Variants in UBAP1 observed in about 807,000 individuals in gnomAD.
UBAP1 encodes the protein ubiquitin associated protein 1, also known as ubiquitin-associated protein 1.
UBAP1 carries 5 observed loss-of-function variants against 39.0 expected under a neutral mutation model. The observed-to-expected ratio is 0.13, with a 90% CI of 0.07 to 0.27. The LOEUF (loss-of-function observed/expected upper bound fraction) is 0.27. Among genes scored for constraint, UBAP1 ranks in the 10% least tolerant of loss-of-function variants. The probability of loss-of-function intolerance (pLI) is 1.00; values close to 1 mark genes in which losing one functional copy is unlikely to be tolerated. For missense variants in UBAP1, 490 were observed against 608.1 expected (o/e 0.81, Z 2.04); for synonymous variants, 211 against 225.1 (o/e 0.94, Z 0.56).
In UBAP1 at chr9:34,179,216, A is replaced by C; in HGVS notation, c.-32A>C. The C allele has an allele frequency of 4.4e-6, 5 of 1,129,422 alleles. No individual in the cohort carries two copies. The highest frequency in any genetic ancestry group is 5.4e-6 in the Non-Finnish European group (5 of 925,692). 70.0% of individuals were successfully genotyped at this position (1,129,422 alleles called of 1,614,324 possible). ...CGGTGCCAGCACCTTTCGGCTTCTG[A>C]GACGGCGGCAGCAGCGGCATTCAGG... On this transcript the variant is annotated 5_prime_UTR_variant, in exon 1 of 7. Coordinates refer to ENST00000297661, the MANE Select transcript of UBAP1 (RefSeq NM_016525.5).
chr9:34,203,381 T>C (rs1831508380), intron 1 of UBAP1, among the ~76,000 whole-genome samples: 1 of 152,180 alleles, frequency 6.6e-6, no homozygotes, highest in Non-Finnish European at 1.5e-5. Context: ...TCTCTGTCAG[T>C]TTTTGGTATC....
intron 1 of UBAP1, among the ~76,000 whole-genome samples, chr9:34,218,010 T>C (rs1473349882): frequency 6.6e-6 from 1 of 151,030 alleles, no homozygotes; most frequent in Non-Finnish European, 1.5e-5. Flanking sequence ...CCCAGCACTT[T>C]GGGAGGCCGA....
intron 1 of UBAP1, among the ~76,000 whole-genome samples, chr9:34,212,428 T>TACAC (rs1491134084): frequency 3.3e-5 from 2 of 60,176 alleles, no homozygotes; most frequent in Non-Finnish European, 9.3e-5. Flanking sequence ...CACACACACT[T>TACAC]ATAGTTATTT....
intron 1 of UBAP1, among the ~76,000 whole-genome samples, chr9:34,185,460 G>T (rs1830354141): frequency 6.6e-6 from 1 of 152,142 alleles, no homozygotes. Context: ...GAGGTAGGAG[G>T]ATCACCTGAG....
chr9:34,241,139 ATGGCCACC>A (rs772403183), intron 3 of UBAP1, 38 bp from the exon 4 acceptor site: 20 of 1,363,794 alleles, frequency 1.5e-5, no homozygotes, highest in Non-Finnish European at 1.8e-5. Context: ...TGGGGTAAAG[ATGGCCACC>A]TGGGTTCACA....
At chr9:34,240,559 T>C (rs547579299) in intron 3 of UBAP1, among the ~76,000 whole-genome samples, 6 of 152,350 alleles carry the variant, frequency 3.9e-5, no homozygotes, top group African/African-American at 1.2e-4. Flanking sequence ...ACTTAAGATA[T>C]TGTTAAAGAA....
intron 1 of UBAP1, among the ~76,000 whole-genome samples, chr9:34,181,336 T>TC (rs1350877033): frequency 2.0e-5 from 3 of 149,654 alleles, no homozygotes; most frequent in Non-Finnish European, 4.4e-5. Flanking sequence ...CAGGATGGTG[T>TC]CCATCTGCTG....
chr9:34,230,423 T>G (rs776029571), intron 2 of UBAP1, among the ~76,000 whole-genome samples: 6 of 152,184 alleles, frequency 3.9e-5, no homozygotes, highest in Non-Finnish European at 5.9e-5. Flanking sequence ...TCTGTGCTTA[T>G]TAGTGTTAAA....
At chr9:34,226,356 C>G (rs769384559) in intron 2 of UBAP1, among the ~76,000 whole-genome samples, 12 of 151,644 alleles carry the variant, frequency 7.9e-5, no homozygotes, top group African/African-American at 2.7e-4. Flanking sequence ...CCTGTCTCAG[C>G]CCCCTGAGTA....
intron 1 of UBAP1, among the ~76,000 whole-genome samples, chr9:34,192,565 G>A (rs544499763): frequency 8.5e-4 from 125 of 146,558 alleles, no homozygotes; most frequent in African/African-American, 2.9e-3. Context: ...CATCTTTCCA[G>A]TTTTAAAACC....
chr9:34,182,643 C>T (rs1188918122), intron 1 of UBAP1, among the ~76,000 whole-genome samples: 1 of 91,812 alleles, frequency 1.1e-5, no homozygotes, highest in Non-Finnish European at 2.6e-5. Flanking sequence ...TTCTTTCTTT[C>T]TTTCTTTCTT....
Position 34,197,039 on chromosome 9 carries a change from C to T in UBAP1, c.-8+17799C>T, listed in dbSNP as rs559734395. ...ACCTCCTGGGTTCAAGTGATTCTCCCGCCTCAGCCTCCCGAATAGCTGAGA... is the reference window on the plus strand; with the variant it reads ...ACCTCCTGGGTTCAAGTGATTCTCCTGCCTCAGCCTCCCGAATAGCTGAGA... On this transcript the variant is annotated intron_variant, in intron 1 of 6. Coordinates refer to ENST00000297661, the MANE Select transcript of UBAP1 (RefSeq NM_016525.5). Among the ~76,000 whole-genome samples, 10 of 151,054 alleles carry T rather than the reference C, an allele frequency of 6.6e-5. No individual in the cohort carries two copies. The South Asian group carries it at 1.1e-3, about 16-fold the overall frequency.
In UBAP1 at chr9:34,249,646, G is replaced by A. The variant is rs567173590; in HGVS notation, c.1084-133G>A. 5.7e-5 allele frequency: 47 copies of A among 817,586 alleles called. No homozygotes were observed. In the African/African-American group the frequency reaches 6.9e-4, roughly 12 times the overall value. 50.6% of individuals were successfully genotyped at this position (817,586 alleles called of 1,614,324 possible). On this transcript the variant is annotated intron_variant, in intron 4 of 6. Transcript: ENST00000297661. Reference sequence around the variant, plus strand: ...CAGGGTGTCTGACCAGCAACCTGGCGATTTCTTCCAACCTGACCGCTTTTC... The same window carrying A: ...CAGGGTGTCTGACCAGCAACCTGGCAATTTCTTCCAACCTGACCGCTTTTC...
intron 1 of UBAP1, among the ~76,000 whole-genome samples, chr9:34,198,610 G>T (rs954399807): frequency 9.2e-5 from 14 of 152,294 alleles, no homozygotes; most frequent in African/African-American, 2.9e-4. Flanking sequence ...GAGGCCACTG[G>T]CAGGGATGTG....
At position 34,180,897 on chromosome 9, in the gene UBAP1, G is replaced by C. The variant is rs1040970822; in HGVS notation, c.-8+1657G>C. Among the ~76,000 whole-genome samples, 7 of 150,804 alleles carry C rather than the reference G, an allele frequency of 4.6e-5. No homozygotes were observed. In the Admixed American group the frequency reaches 4.6e-4, roughly 10 times the overall value. On this transcript the variant is annotated intron_variant, in intron 1 of 6. Coordinates refer to ENST00000297661, the MANE Select transcript of UBAP1 (RefSeq NM_016525.5). The stretch of plus-strand genomic sequence containing the variant: ...GCGATCTTGGCTTGCTGCAACCTCC[G>C]CCTCCTGGGTTCAAGTGACTGTCCT...
chr9:34,206,701 GA>G (rs1831716538), intron 1 of UBAP1, among the ~76,000 whole-genome samples: 1 of 152,132 alleles, frequency 6.6e-6, no homozygotes, highest in Non-Finnish European at 1.5e-5. Flanking sequence ...TGTGTAGAGT[GA>G]AAATAGTATT....
At chr9:34,251,355 C>T in intron 6 of UBAP1, 37 bp from the exon 7 acceptor site, 1 of 1,610,912 alleles carries the variant, frequency 6.2e-7, no homozygotes, top group Non-Finnish European at 8.5e-7. Flanking sequence ...TGTGACCCCA[C>T]CCTTTTCTTT....
At chr9:34,245,777 G>C (rs1162750027) in intron 4 of UBAP1, among the ~76,000 whole-genome samples, 2 of 121,110 alleles carry the variant, frequency 1.7e-5, no homozygotes, top group Non-Finnish European at 3.4e-5. Flanking sequence ...GATCCTAATG[G>C]GCTGATAGAC....
intron 1 of UBAP1, chr9:34,212,053 A>T (rs1337713786): frequency 2.4e-6 from 1 of 419,402 alleles, no homozygotes; most frequent in African/African-American, 2.0e-5. Context: ...AAGAAAAAGA[A>T]TATGTTTTAT....
Sources: gnomAD v4.1 joint callset for allele counts (sites outside exome capture counted in the v4.1 genomes callset) on GRCh38, gnomAD v4.1.1 for gene constraint, MANE v1.5 for transcripts, NCBI Gene and HGNC (gene_info 2026-07-23, HGNC 2026-07-21) for gene names.